The following GNA12 variants were observed in gnomAD, a reference collection of about 807,000 sequenced individuals.
GNA12 encodes the protein guanine nucleotide-binding protein subunit alpha-12.
In GNA12, 9 loss-of-function variants were observed where a neutral mutation model predicts 26.0. The ratio of observed to expected loss-of-function variants is 0.35; its 90% CI spans 0.21 to 0.60. The LOEUF (loss-of-function observed/expected upper bound fraction) is 0.60, where lower values mean the gene tolerates loss of function less well. GNA12 is among the 20% of genes least tolerant of loss of function. GNA12 has a pLI of 0.78. For synonymous variants in GNA12, 264 were observed against 219.6 expected (o/e 1.20, Z -1.79); for missense variants, 405 against 525.8 (o/e 0.77, Z 2.25).
chr7:2,824,458 G>A (rs905016393), intron 1 of GNA12, among the ~76,000 whole-genome samples: 1 of 152,112 alleles, frequency 6.6e-6, no homozygotes, highest in Non-Finnish European at 1.5e-5. Flanking sequence ...GCGGCTCCCT[G>A]CCACCCCTGA....
chr7:2,736,498 A>G (rs798522), intron 2 of GNA12, among the ~76,000 whole-genome samples: 82,949 of 152,014 alleles, frequency 0.55, 23,340 homozygotes, highest in Non-Finnish European at 0.62. Context: ...AACAGAAGGG[A>G]TGAACCTGAG....
chr7:2,735,145 C>T (rs141582036), intron 2 of GNA12, among the ~76,000 whole-genome samples: 2,011 of 152,288 alleles, frequency 0.013, 18 homozygotes, highest in Non-Finnish European at 0.02. Flanking sequence ...CCTTCCTCAG[C>T]GCCTCTCTCT....
chr7:2,840,224 C>T (rs922688463), intron 1 of GNA12, among the ~76,000 whole-genome samples: 1 of 152,194 alleles, frequency 6.6e-6, no homozygotes, highest in Non-Finnish European at 1.5e-5. Flanking sequence ...TTTCTTACAA[C>T]TGCATAGGAC....
chr7:2,769,822 A>G (rs970127650), intron 2 of GNA12, among the ~76,000 whole-genome samples: 2 of 152,212 alleles, frequency 1.3e-5, no homozygotes, highest in African/African-American at 4.8e-5. Context: ...CCTAATGAAC[A>G]AGGGTTTAAG....
intron 2 of GNA12, among the ~76,000 whole-genome samples, chr7:2,737,044 CAG>C (rs1790217421): frequency 6.6e-6 from 1 of 152,136 alleles, no homozygotes; most frequent in Admixed American, 6.5e-5. Flanking sequence ...GTCAATGTCA[CAG>C]ACTGACAGGG....
chr7:2,749,112 A>G (rs979441474), intron 2 of GNA12, among the ~76,000 whole-genome samples: 17 of 152,216 alleles, frequency 1.1e-4, no homozygotes, highest in Admixed American at 1.0e-3. Flanking sequence ...GCGATTCCTC[A>G]GGGATCTAGA....
intron 2 of GNA12, among the ~76,000 whole-genome samples, chr7:2,772,370 G>A (rs1337697876): frequency 6.6e-6 from 1 of 152,120 alleles, no homozygotes; most frequent in Non-Finnish European, 1.5e-5. Context: ...GACCATCCTG[G>A]CTAAAATGGT....
At chr7:2,836,979 C>T (rs1296523367) in intron 1 of GNA12, among the ~76,000 whole-genome samples, 2 of 152,142 alleles carry the variant, frequency 1.3e-5, no homozygotes, top group African/African-American at 2.4e-5. Context: ...ACCACATATA[C>T]CACCCACTGA....
chr7:2,816,745 C>T (rs1007043691), intron 1 of GNA12, among the ~76,000 whole-genome samples: 2 of 152,156 alleles, frequency 1.3e-5, no homozygotes, highest in Admixed American at 1.3e-4. Context: ...TGAACACCTA[C>T]TCTGTCCAGG....
intron 2 of GNA12, 121 bp downstream of exon 2, chr7:2,794,807 A>G: frequency 1.4e-6 from 1 of 725,058 alleles, no homozygotes; most frequent in Non-Finnish European, 2.3e-6. Context: ...ATTACAACTT[A>G]CGGTGATTTA....
chr7:2,736,788 C>T (rs771817057), intron 2 of GNA12, among the ~76,000 whole-genome samples: 5 of 152,240 alleles, frequency 3.3e-5, no homozygotes, highest in African/African-American at 4.8e-5. Context: ...GTCAGGCAGG[C>T]ACTGCAGCAG....
chr7:2,818,774 A>T (rs2115492851), intron 1 of GNA12, among the ~76,000 whole-genome samples: 1 of 151,396 alleles, frequency 6.6e-6, no homozygotes, highest in African/African-American at 2.4e-5. Context: ...AAAAAAAAAA[A>T]AGCAAAGGAC....
intron 1 of GNA12, among the ~76,000 whole-genome samples, chr7:2,818,060 G>A (rs929290117): frequency 3.3e-5 from 5 of 152,152 alleles, no homozygotes; most frequent in African/African-American, 1.2e-4. Context: ...TCACTATAAC[G>A]TATTAAAATT....
intron 1 of GNA12, among the ~76,000 whole-genome samples, chr7:2,842,110 G>GGGAGAAAGGAAGAAAAGGAA: frequency 6.9e-6 from 1 of 145,362 alleles, no homozygotes; most frequent in Non-Finnish European, 1.5e-5. Flanking sequence ...AAGGAAGGAA[G>GGGAGAAAGGAAGAAAAGGAA]GGAAGGGAGG....
At chr7:2,766,387 CTTTT>C (rs71026553) in intron 2 of GNA12, among the ~76,000 whole-genome samples, 2 of 132,080 alleles carry the variant, frequency 1.5e-5, no homozygotes, top group Non-Finnish European at 1.6e-5. Context: ...TTGCTTCCGC[CTTTT>C]TTTTTTTTTT....
rs1264957572 is a variant in GNA12, at chr7:2,731,184, C to A, written c.1143G>T (p.Gln381His). ...LQENLKDIMLQ is the reference protein window; with the variant it reads ...LQENLKDIMLH ...ACAAACCCCGGGGCTTCCTCGCTCA[C>A]TGCAGCATGATGTCCTTCAGGTTCT... Residue 381 changes from glutamine to histidine, a missense_variant, in exon 4 of 4, where the codon CAG (glutamine) becomes CAT (histidine). By Grantham distance (24) the Gln-to-His change is conservative. Coordinates refer to ENST00000275364, the MANE Select transcript of GNA12 (RefSeq NM_007353.3). This position sits in a 1 kb window ranked among gnomAD's most constrained non-coding sequence, Gnocchi z 6.0. 6.2e-7 allele frequency: 1 copy of A among 1,607,462 alleles called. No individual in the cohort carries two copies. Among genetic ancestry groups the A allele is most frequent in the Admixed American group, 1.7e-5 (1 of 59,738 alleles).
intron 2 of GNA12, among the ~76,000 whole-genome samples, chr7:2,758,917 G>T (rs1791426214): frequency 6.6e-6 from 1 of 152,112 alleles, no homozygotes; most frequent in Non-Finnish European, 1.5e-5. Context: ...GGCCGAGGTG[G>T]ATCACCTGAG....
At chr7:2,763,716 G>C (rs1415436802) in intron 2 of GNA12, among the ~76,000 whole-genome samples, 1 of 152,218 alleles carries the variant, frequency 6.6e-6, no homozygotes, top group Non-Finnish European at 1.5e-5. Context: ...GGAAACCAAA[G>C]CTTCTTCTAA....
At chr7:2,840,401 A>G (rs1778956480) in intron 1 of GNA12, among the ~76,000 whole-genome samples, 1 of 152,204 alleles carries the variant, frequency 6.6e-6, no homozygotes, top group Non-Finnish European at 1.5e-5. Context: ...CATTATGAAA[A>G]TTCAACACCA....
Sources: gnomAD v4.1 joint callset for allele counts (sites outside exome capture counted in the v4.1 genomes callset) on GRCh38, gnomAD v4.1.1 for gene constraint, Gnocchi (gnomAD v3.1) non-coding constraint, MANE v1.5 for transcripts, NCBI Gene and HGNC (gene_info 2026-07-23, HGNC 2026-07-21) for gene names.